GABRA3: variants seen among roughly 807,000 people sequenced by gnomAD.
GABRA3 encodes the protein gamma-aminobutyric acid type A receptor subunit alpha3.
GABRA3 carries 10 observed loss-of-function variants against 30.1 expected under a neutral mutation model. The observed-to-expected ratio is 0.33, with a 90% CI of 0.20 to 0.56. The LOEUF (loss-of-function observed/expected upper bound fraction) is 0.56. Ranked by LOEUF, GABRA3 falls within the 20% of genes least tolerant of loss-of-function variation. The pLI is 0.89. For missense variants in GABRA3, 233 were observed against 392.0 expected (o/e 0.59, Z 3.42); for synonymous variants, 151 against 146.8 (o/e 1.03, Z -0.21).
In GABRA3 at chrX:152,406,324, G is replaced by C. The variant is rs140780126; in HGVS notation, c.-26-41728C>G. 8.1e-3 allele frequency among the ~76,000 whole-genome samples: 890 copies of C among 110,117 alleles called. 13 individuals carry two copies. The highest frequency in any genetic ancestry group is 0.028 in the African/African-American group (846 of 30,335). On this transcript the variant is annotated intron_variant, in intron 1 of 9. Coordinates refer to ENST00000370314, the MANE Select transcript of GABRA3 (RefSeq NM_000808.4). The stretch of plus-strand genomic sequence containing the variant: ...AGAAAACAAGACCCAAATCTATGCT[G>C]TCTGTAAGAAATTCACTTCGCCTGT...
At chrX:152,340,806 C>G (rs1220676063) in intron 3 of GABRA3, among the ~76,000 whole-genome samples, 1 of 111,677 alleles carries the variant, frequency 9.0e-6, no homozygotes, top group Non-Finnish European at 1.9e-5. Context: ...TTTCTTCATG[C>G]TTCTTGTCCT....
chrX:152,284,231 T>C (rs984916716), intron 4 of GABRA3, among the ~76,000 whole-genome samples: 2 of 111,649 alleles, frequency 1.8e-5, no homozygotes. Context: ...GGCCAGTCCA[T>C]GTCCCTAGTG....
intron 5 of GABRA3, among the ~76,000 whole-genome samples, chrX:152,247,648 G>T (rs1363325254): frequency 4.5e-5 from 5 of 111,320 alleles, no homozygotes; most frequent in Non-Finnish European, 9.5e-5. Context: ...ATGCCTTATC[G>T]CATTCACTTC....
At chrX:152,203,880 C>CCCT (rs1475057702) in intron 7 of GABRA3, among the ~76,000 whole-genome samples, 1 of 111,833 alleles carries the variant, frequency 8.9e-6, no homozygotes, top group Non-Finnish European at 1.9e-5. Context: ...CCTTAATCCC[C>CCCT]CCTTTCCATG....
intron 3 of GABRA3, among the ~76,000 whole-genome samples, chrX:152,295,234 G>A (rs1479967480): frequency 8.9e-6 from 1 of 112,456 alleles, no homozygotes; most frequent in African/African-American, 3.2e-5. Flanking sequence ...CTTCAGAGCT[G>A]TCAGATGGAC....
At chrX:152,315,745 A>T (rs1939863732) in intron 3 of GABRA3, among the ~76,000 whole-genome samples, 1 of 110,158 alleles carries the variant, frequency 9.1e-6, no homozygotes, top group Non-Finnish European at 1.9e-5. Flanking sequence ...CTTCCCTGAC[A>T]ACCTGCATGA....
At chrX:152,214,596 T>C (rs372003777) in intron 6 of GABRA3, among the ~76,000 whole-genome samples, 24 of 111,330 alleles carry the variant, frequency 2.2e-4, no homozygotes, top group East Asian at 8.5e-4. Context: ...TAGAATGTTT[T>C]TTCTATTTCA....
At chrX:152,445,805 C>G (rs989101006) in intron 1 of GABRA3, among the ~76,000 whole-genome samples, 5 of 111,846 alleles carry the variant, frequency 4.5e-5, no homozygotes, top group African/African-American at 1.6e-4. Flanking sequence ...CAGGCTCCAA[C>G]AAGACAAGTG....
At chrX:152,434,208 TGG>T (rs766853327) in intron 1 of GABRA3, among the ~76,000 whole-genome samples, 1 of 110,838 alleles carries the variant, frequency 9.0e-6, no homozygotes, top group Non-Finnish European at 1.9e-5. Flanking sequence ...TTTAATCTAG[TGG>T]GCACAATCTA....
chrX:152,295,786 G>C (rs550897233), intron 3 of GABRA3, among the ~76,000 whole-genome samples: 1 of 112,246 alleles, frequency 8.9e-6, no homozygotes, highest in Non-Finnish European at 1.9e-5. Flanking sequence ...AGTCAATCAC[G>C]CTGGGAGCTG....
intron 5 of GABRA3, among the ~76,000 whole-genome samples, chrX:152,232,874 T>A (rs183706745): frequency 1.7e-4 from 19 of 110,593 alleles, no homozygotes; most frequent in Non-Finnish European, 1.9e-5. Flanking sequence ...TATTTTTAGG[T>A]CTTTGAGAAA....
intron 1 of GABRA3, among the ~76,000 whole-genome samples, chrX:152,388,574 C>T (rs778745649): frequency 4.5e-5 from 5 of 111,869 alleles, no homozygotes; most frequent in Non-Finnish European, 9.4e-5. Flanking sequence ...AGAATGAATA[C>T]TAAATTTGCA....
intron 3 of GABRA3, among the ~76,000 whole-genome samples, chrX:152,333,245 G>A (rs1940188603): frequency 8.9e-6 from 1 of 111,757 alleles, no homozygotes; most frequent in African/African-American, 3.3e-5. Context: ...TGCACAAGAC[G>A]CTGAAGAGGC....
At chrX:152,419,615 A>C (rs939256433) in intron 1 of GABRA3, among the ~76,000 whole-genome samples, 1 of 111,951 alleles carries the variant, frequency 8.9e-6, no homozygotes, top group Non-Finnish European at 1.9e-5. Flanking sequence ...TGAATCTATC[A>C]CTAAAGACTT....
intron 1 of GABRA3, among the ~76,000 whole-genome samples, chrX:152,384,146 T>C (rs1214565925): frequency 9.0e-6 from 1 of 111,062 alleles, no homozygotes; most frequent in Non-Finnish European, 1.9e-5. Flanking sequence ...AAAAATAATA[T>C]ATTTGGTGTA....
At chrX:152,176,599 G>T (rs926175650) in intron 9 of GABRA3, among the ~76,000 whole-genome samples, 106 of 111,512 alleles carry the variant, frequency 9.5e-4, no homozygotes, top group Non-Finnish European at 1.5e-3. Context: ...GAAGAATAGT[G>T]ACATTATTGG....
chrX:152,197,592 A>C, intron 8 of GABRA3, 41 bp downstream of exon 8: 1 of 1,136,715 alleles, frequency 8.8e-7, no homozygotes, highest in South Asian at 2.2e-5. Context: ...GTGACTCTGC[A>C]TGATAAGACT....
At chrX:152,419,716 C>G (rs1930326863) in intron 1 of GABRA3, among the ~76,000 whole-genome samples, 1 of 111,213 alleles carries the variant, frequency 9.0e-6, no homozygotes, top group Admixed American at 9.6e-5. Flanking sequence ...TACATAATAT[C>G]TTCCAGAATG....
chrX:152,378,669 C>A (rs1006459972), intron 1 of GABRA3, among the ~76,000 whole-genome samples: 1 of 110,974 alleles, frequency 9.0e-6, no homozygotes, highest in Admixed American at 9.6e-5. Context: ...CCAGATATAT[C>A]GGCGATTTTT....
Sources: allele counts gnomAD v4.1 joint callset (sites outside exome capture counted in the v4.1 genomes callset), GRCh38; gene constraint gnomAD v4.1.1; transcripts MANE v1.5; gene names NCBI Gene and HGNC (gene_info 2026-07-23, HGNC 2026-07-21).